Variants in NFILZ observed in about 807,000 individuals in gnomAD.
NFILZ encodes the protein NFIL3 like protein.
chr19:8,649,282 T>C (rs1335003597), intron 3 of NFILZ, among the ~76,000 whole-genome samples: 5 of 150,978 alleles, frequency 3.3e-5, no homozygotes, highest in Non-Finnish European at 5.9e-5. Context: ...CAATTTTTTT[T>C]TGAGACAAAG....
intron 3 of NFILZ, among the ~76,000 whole-genome samples, chr19:8,673,595 G>A (rs186744583): frequency 6.6e-6 from 1 of 152,290 alleles, no homozygotes; most frequent in Non-Finnish European, 1.5e-5. Context: ...CAGTGACCAG[G>A]ATTTCTCAGA....
chr19:8,636,619 T>G (rs554090114), intron 3 of NFILZ, among the ~76,000 whole-genome samples: 8 of 151,334 alleles, frequency 5.3e-5, no homozygotes, highest in African/African-American at 1.7e-4. Flanking sequence ...TATGTTTTTT[T>G]TTTTAATTTT....
rs114206330 is a variant in NFILZ at position 8,634,443 on chromosome 19, A to T, written c.-260-1207A>T. 1.8e-3 allele frequency among the ~76,000 whole-genome samples: 267 copies of T among 152,174 alleles called. 1 individual carries two copies. Among genetic ancestry groups the T allele is most frequent in the African/African-American group, 6.2e-3 (258 of 41,518 alleles). ...TGGAACTATCGGCGCATGCCGTGAC[A>T]CCCAGCTAATTTTTATTTTTTGTAG... On this transcript the variant is annotated intron_variant, in intron 2 of 5. Transcript: ENST00000691075.
At chr19:8,671,497 CT>C (rs1568424926) in intron 3 of NFILZ, among the ~76,000 whole-genome samples, 1 of 152,056 alleles carries the variant, frequency 6.6e-6, no homozygotes, top group African/African-American at 2.4e-5. Context: ...GTGGTGTGGC[CT>C]GAGAGCTGAC....
intron 3 of NFILZ, among the ~76,000 whole-genome samples, chr19:8,650,653 CAAAAA>C (rs201551767): frequency 9.2e-6 from 1 of 108,348 alleles, no homozygotes. Context: ...GATTCTGTCT[CAAAAA>C]AAAAAAAAAA....
intron 3 of NFILZ, among the ~76,000 whole-genome samples, chr19:8,656,653 G>A (rs577318271): frequency 1.0e-3 from 157 of 152,270 alleles, no homozygotes; most frequent in African/African-American, 3.4e-3. Flanking sequence ...AGCTGCCGCC[G>A]CCCAATGTTT....
chr19:8,633,428 C>T (rs1305199584), intron 2 of NFILZ, among the ~76,000 whole-genome samples: 1 of 152,120 alleles, frequency 6.6e-6, no homozygotes, highest in Non-Finnish European at 1.5e-5. Flanking sequence ...GGATCGGGAC[C>T]CTTTTCCAGT....
rs1393965945 is a variant in NFILZ, at chr19:8,652,836, C to CTCTT, written c.-164+17101_-164+17104dup. 2.1e-5 allele frequency among the ~76,000 whole-genome samples: 3 copies of CTCTT among 144,820 alleles called. No homozygotes were observed. The East Asian group carries it at 6.1e-4, about 30-fold the overall frequency. On this transcript the variant is annotated intron_variant, in intron 3 of 5. Coordinates refer to ENST00000691075, the MANE Select transcript of NFILZ (RefSeq NM_001378600.1). ...CTCTCTCTCTCTTCTTTCTCACTTT[C>CTCTT]TCTTTCTTTCTTTCCTTTTCTTTCT...
intron 3 of NFILZ, among the ~76,000 whole-genome samples, chr19:8,666,002 C>T (rs1204663504): frequency 6.6e-6 from 1 of 152,058 alleles, no homozygotes; most frequent in Non-Finnish European, 1.5e-5. Flanking sequence ...ATTTGTGAGG[C>T]AGCCTCCTCC....
chr19:8,649,083 C>G (rs1490245295), intron 3 of NFILZ, among the ~76,000 whole-genome samples: 1 of 151,896 alleles, frequency 6.6e-6, no homozygotes, highest in Non-Finnish European at 1.5e-5. Context: ...CCACCTCAGC[C>G]TCCTGAGTGG....
intron 3 of NFILZ, among the ~76,000 whole-genome samples, chr19:8,646,611 G>A (rs2042940189): frequency 6.6e-6 from 1 of 152,134 alleles, no homozygotes; most frequent in African/African-American, 2.4e-5. Flanking sequence ...CGAGGCCCCT[G>A]GGTTAAAGAC....
intron 3 of NFILZ, among the ~76,000 whole-genome samples, chr19:8,653,038 T>TTCTTTCTTTCTCTCTCCC (rs1555747925): frequency 4.5e-4 from 41 of 90,572 alleles, no homozygotes; most frequent in Admixed American, 1.3e-3. Context: ...CTTTCTTTCT[T>TTCTTTCTTTCTCTCTCCC]TCTCTCTCTC....
At chr19:8,671,043 T>C (rs1555750247) in intron 3 of NFILZ, among the ~76,000 whole-genome samples, 1 of 149,706 alleles carries the variant, frequency 6.7e-6, no homozygotes, top group Non-Finnish European at 1.5e-5. Flanking sequence ...CTTGAACACA[T>C]GAGCAGGCCA....
At chr19:8,634,169 TG>T (rs1449156114) in intron 2 of NFILZ, among the ~76,000 whole-genome samples, 2 of 151,994 alleles carry the variant, frequency 1.3e-5, no homozygotes, top group African/African-American at 4.8e-5. Context: ...AGCTGATTTT[TG>T]TATCTTTGGT....
At position 8,638,076 on chromosome 19, in the gene NFILZ, CA is replaced by C. The variant is rs1162922598; in HGVS notation, c.-164+2331del. ...CAGGCCACCTTAATAGAGCAAAGAT[CA>C]GTAGATGCTATGGGAAGTCAAATTT... On this transcript the variant is annotated intron_variant, in intron 3 of 5. Transcript: ENST00000691075. Among the ~76,000 whole-genome samples the C allele has an allele frequency of 2.6e-5, 4 of 152,154 alleles. No individual in the cohort carries two copies. In the East Asian group the frequency reaches 7.7e-4, roughly 29 times the overall value.
intron 1 of NFILZ, 106 bp downstream of exon 1, chr19:8,630,850 C>T (rs2042866442): frequency 6.6e-6 from 1 of 152,206 alleles, no homozygotes; most frequent in African/African-American, 2.4e-5. Flanking sequence ...CCTCTCTCCC[C>T]CACACAGGTC....
At chr19:8,656,424 T>TC (rs2043000101) in intron 3 of NFILZ, among the ~76,000 whole-genome samples, 1 of 83,568 alleles carries the variant, frequency 1.2e-5, no homozygotes, top group African/African-American at 4.5e-5. Flanking sequence ...ACCCACCTCT[T>TC]TCCGCAGCCC....
intron 3 of NFILZ, among the ~76,000 whole-genome samples, chr19:8,639,519 A>G (rs1403270939): frequency 6.6e-6 from 1 of 151,574 alleles, no homozygotes; most frequent in African/African-American, 2.4e-5. Flanking sequence ...TGAGCCCAGG[A>G]GTTTGAGGCT....
chr19:8,669,998 TA>T (rs1458704337), intron 3 of NFILZ, among the ~76,000 whole-genome samples: 3 of 152,044 alleles, frequency 2.0e-5, no homozygotes, highest in Non-Finnish European at 4.4e-5. Flanking sequence ...CCACGGATGT[TA>T]AGGAAAGAAT....
Sources: allele counts gnomAD v4.1 joint callset (sites outside exome capture counted in the v4.1 genomes callset), GRCh38; gene constraint gnomAD v4.1.1; transcripts MANE v1.5; gene names NCBI Gene and HGNC (gene_info 2026-07-23, HGNC 2026-07-21).